IL1RAP: variants seen among roughly 807,000 people sequenced by gnomAD.
The protein encoded by IL1RAP is interleukin 1 receptor accessory protein.
A neutral mutation model predicts 60.7 loss-of-function variants in IL1RAP; 35 were observed. The ratio of observed to expected loss-of-function variants is 0.58; its 90% CI spans 0.44 to 0.76. The LOEUF (loss-of-function observed/expected upper bound fraction) is 0.76, where lower values mean the gene tolerates loss of function less well. Ranked by LOEUF, IL1RAP falls within the 30% of genes least tolerant of loss-of-function variation. The pLI is 0.00. For synonymous variants in IL1RAP, 268 were observed against 250.9 expected (o/e 1.07, Z -0.64); for missense variants, 572 against 693.9 (o/e 0.82, Z 1.97).
intron 1 of IL1RAP, among the ~76,000 whole-genome samples, chr3:190,537,027 TA>T (rs766533881): frequency 3.1e-4 from 47 of 152,094 alleles, no homozygotes; most frequent in African/African-American, 7.2e-4. Context: ...CTAATATAGA[TA>T]TTTTTTTTAA....
chr3:190,632,967 A>C lies in IL1RAP; in HGVS notation c.1051+3469A>C, dbSNP rs371376530. On this transcript the variant is annotated intron_variant, in intron 9 of 11. Transcript: ENST00000447382. ...GTTTATCTATCTTTAGTCCAATGCC[A>C]CTTTATCCTGGTTAACATAGTTTTA... 3.3e-5 allele frequency among the ~76,000 whole-genome samples: 5 copies of C among 152,178 alleles called. No individual in the cohort carries two copies. The South Asian group carries it at 1.0e-3, about 32-fold the overall frequency.
intron 1 of IL1RAP, among the ~76,000 whole-genome samples, chr3:190,526,000 A>G (rs1370076260): frequency 1.3e-5 from 2 of 151,786 alleles, no homozygotes; most frequent in East Asian, 3.9e-4. Flanking sequence ...ATTAAATTCC[A>G]TACAAGATCA....
chr3:190,548,909 C>A (rs746589769), intron 1 of IL1RAP, among the ~76,000 whole-genome samples: 2 of 152,058 alleles, frequency 1.3e-5, no homozygotes, highest in Non-Finnish European at 2.9e-5. Context: ...CTTGGGCTCC[C>A]CCTTCTGCAA....
At chr3:190,543,792 G>A (rs1392259315) in intron 1 of IL1RAP, among the ~76,000 whole-genome samples, 1 of 152,184 alleles carries the variant, frequency 6.6e-6, no homozygotes, top group East Asian at 1.9e-4. Flanking sequence ...AGAGCTTGCT[G>A]CCAGATCGTG....
Position 190,650,139 on chromosome 3 carries a change from C to T in IL1RAP, c.*1434C>T, listed in dbSNP as rs1301755583. On this transcript the variant is annotated 3_prime_UTR_variant, in exon 12 of 12. Coordinates refer to ENST00000447382, the MANE Select transcript of IL1RAP (RefSeq NM_002182.4). ...ATAGCTATGGGTACAATATTAAAAA[C>T]CACTGGAACTCTTGTCCAGTTTTTA... 1 of 982,706 alleles carries T rather than the reference C, an allele frequency of 1.0e-6. No homozygotes were observed. The highest frequency in any genetic ancestry group is 1.2e-6 in the Non-Finnish European group (1 of 827,816). 60.9% of individuals were successfully genotyped at this position (982,706 alleles called of 1,614,324 possible).
At chr3:190,599,077 A>AT (rs1291946493) in intron 3 of IL1RAP, among the ~76,000 whole-genome samples, 4 of 151,876 alleles carry the variant, frequency 2.6e-5, no homozygotes, top group African/African-American at 9.7e-5. Flanking sequence ...AGTTGTGATT[A>AT]TTTTTTCCCT....
Position 190,611,419 on chromosome 3 carries a change from G to A in IL1RAP, c.537+2238G>A, listed in dbSNP as rs149834835. Among the ~76,000 whole-genome samples, 1,325 of 152,252 alleles carry A rather than the reference G, an allele frequency of 8.7e-3. 6 individuals carry two copies. Among genetic ancestry groups the A allele is most frequent in the Admixed American group, 0.019 (289 of 15,276 alleles). On this transcript the variant is annotated intron_variant, in intron 5 of 11. Coordinates refer to ENST00000447382, the MANE Select transcript of IL1RAP (RefSeq NM_002182.4). Reference sequence around the variant, plus strand: ...AAATCCAGACTATGTGAAACTCTATGGGCCAGATGTGCTGGGTTTTTCAAA... The same window carrying A: ...AAATCCAGACTATGTGAAACTCTATAGGCCAGATGTGCTGGGTTTTTCAAA...
At chr3:190,577,474 C>T (rs540253346) in intron 3 of IL1RAP, among the ~76,000 whole-genome samples, 1 of 152,250 alleles carries the variant, frequency 6.6e-6, no homozygotes, top group East Asian at 1.9e-4. Flanking sequence ...CATCATCAAC[C>T]CCCGGCTGTT....
intron 6 of IL1RAP, among the ~76,000 whole-genome samples, chr3:190,622,544 A>G (rs772322805): frequency 4.6e-5 from 7 of 152,130 alleles, no homozygotes; most frequent in African/African-American, 1.4e-4. Flanking sequence ...TTGGCTACAA[A>G]CTTAAGATTC....
intron 9 of IL1RAP, among the ~76,000 whole-genome samples, chr3:190,633,110 G>A (rs1732926484): frequency 6.6e-6 from 1 of 151,854 alleles, no homozygotes. Flanking sequence ...CATAGTATCA[G>A]TTTGTCCATT....
intron 3 of IL1RAP, among the ~76,000 whole-genome samples, chr3:190,593,584 A>G (rs1368214431): frequency 6.6e-6 from 1 of 152,136 alleles, no homozygotes; most frequent in Non-Finnish European, 1.5e-5. Context: ...AAGGCAAATG[A>G]GGAGCAAAGT....
Position 190,648,702 on chromosome 3 carries a change from A to G in IL1RAP, c.1710A>G (p.Val570=). Residue 570 remains valine (V), a synonymous_variant, in exon 12 of 12, where the codon GTA becomes GTG. Coordinates refer to ENST00000447382, the MANE Select transcript of IL1RAP (RefSeq NM_002182.4). ...QGLSYSSLKN[V] ...TCTCGTATTCATCTTTGAAAAATGT[A>G]TGAAAGGAATAATGAAAAGGGTAAA... 3 of 1,607,142 alleles carry G rather than the reference A, an allele frequency of 1.9e-6. No individual in the cohort carries two copies. Among genetic ancestry groups the G allele is most frequent in the African/African-American group, 2.7e-5 (2 of 74,516 alleles).
chr3:190,655,567 GTGTGTGTGTGT>G (rs1437296153), downstream of IL1RAP, among the ~76,000 whole-genome samples: 2 of 132,748 alleles, frequency 1.5e-5, no homozygotes, highest in African/African-American at 7.6e-5. Flanking sequence ...CCGTGTGTGT[GTGTGTGTGTGT>G]GTGTGTGTGT....
chr3:190,563,458 G>T (rs912533177), intron 2 of IL1RAP: 11 of 152,046 alleles, frequency 7.2e-5, no homozygotes, highest in Non-Finnish European at 1.2e-4. Context: ...ATATTTCTTG[G>T]GTAGTAGAAA....
intron 1 of IL1RAP, among the ~76,000 whole-genome samples, chr3:190,522,340 T>TCCTTCCTTCCTTCCTTCCTTCCTTCCTC (rs1276559764): frequency 7.7e-6 from 1 of 130,212 alleles, no homozygotes; most frequent in Non-Finnish European, 1.7e-5. Flanking sequence ...CTTCCTTCCT[T>TCCTTCCTTCCTTCCTTCCTTCCTTCCTC]CCTCCCTCCC....
chr3:190,539,623 T>C (rs1723759269), intron 1 of IL1RAP, among the ~76,000 whole-genome samples: 1 of 151,896 alleles, frequency 6.6e-6, no homozygotes, highest in Admixed American at 6.6e-5. Context: ...ATATTCCTGA[T>C]CCTTCACAAA....
chr3:190,595,646 A>T (rs1485217886), intron 3 of IL1RAP, among the ~76,000 whole-genome samples: 1 of 152,204 alleles, frequency 6.6e-6, no homozygotes, highest in Non-Finnish European at 1.5e-5. Flanking sequence ...TAGCACACGC[A>T]GATGGGACAG....
exon 12 of IL1RAP, chr3:190,656,955 A>C (rs919440554): frequency 2.3e-5 from 4 of 177,556 alleles, no homozygotes; most frequent in African/African-American, 9.5e-5. Flanking sequence ...ATTATAAGTC[A>C]GTCAGGTGTA....
chr3:190,613,458 A>C (rs1560213731), intron 5 of IL1RAP, among the ~76,000 whole-genome samples: 1 of 152,172 alleles, frequency 6.6e-6, no homozygotes, highest in African/African-American at 2.4e-5. Flanking sequence ...TGATAGTTGA[A>C]GCACTTAAGA....
Sources: gnomAD v4.1 joint callset for allele counts (sites outside exome capture counted in the v4.1 genomes callset) on GRCh38, gnomAD v4.1.1 for gene constraint, MANE v1.5 for transcripts, NCBI Gene and HGNC (gene_info 2026-07-23, HGNC 2026-07-21) for gene names.